The following KDM4C variants were observed in gnomAD, a reference collection of about 807,000 sequenced individuals.
KDM4C encodes lysine demethylase 4C.
In KDM4C, 81 loss-of-function variants were observed where a neutral mutation model predicts 129.3. The observed-to-expected ratio is 0.63, with a 90% confidence interval of 0.52 to 0.75. The LOEUF is 0.75. Among genes scored for constraint, KDM4C ranks in the 30% least tolerant of loss-of-function variants. The pLI, the probability that KDM4C is intolerant of heterozygous loss-of-function variation, is 0.00. For synonymous variants in KDM4C, 573 were observed against 456.1 expected (o/e 1.26, Z -3.26); for missense variants, 1,457 against 1,304.0 (o/e 1.12, Z -1.81).
intron 15 of KDM4C, among the ~76,000 whole-genome samples, chr9:7,042,013 C>A (rs1045952397): frequency 6.6e-6 from 1 of 152,008 alleles, no homozygotes; most frequent in African/African-American, 2.4e-5. Context: ...TTGTTTCCCG[C>A]TAAACAGCTA....
chr9:6,757,638 G>A (rs954501641), upstream of KDM4C: 1 of 985,366 alleles, frequency 1.0e-6, no homozygotes, highest in African/African-American at 1.7e-5. Context: ...CGCGTCGGAG[G>A]CCGCCATAGG....
intron 13 of KDM4C, among the ~76,000 whole-genome samples, chr9:7,012,694 A>G (rs1822929742): frequency 6.6e-6 from 1 of 152,176 alleles, no homozygotes; most frequent in Non-Finnish European, 1.5e-5. Flanking sequence ...ACCTCAGCTA[A>G]TGGAGGGTCA....
At chr9:6,920,197 T>G (rs1405483806) in intron 8 of KDM4C, among the ~76,000 whole-genome samples, 1 of 151,860 alleles carries the variant, frequency 6.6e-6, no homozygotes, top group Non-Finnish European at 1.5e-5. Context: ...ATCATAGGGG[T>G]GTGGAAAGCA....
intron 3 of KDM4C, among the ~76,000 whole-genome samples, chr9:6,810,932 T>TTATA (rs1831028721): frequency 1.3e-5 from 2 of 152,184 alleles, no homozygotes; most frequent in South Asian, 4.1e-4. Flanking sequence ...ACTAGTTTCA[T>TTATA]TATAATTGTT....
chr9:6,856,720 G>A (rs1308922139), intron 5 of KDM4C, among the ~76,000 whole-genome samples: 9 of 149,668 alleles, frequency 6.0e-5, no homozygotes, highest in Non-Finnish European at 1.3e-4. Flanking sequence ...CTACAGGTGT[G>A]TGCCACTATG....
intron 15 of KDM4C, among the ~76,000 whole-genome samples, chr9:7,046,012 C>A (rs1199367896): frequency 6.6e-6 from 1 of 152,034 alleles, no homozygotes; most frequent in Non-Finnish European, 1.5e-5. Context: ...CAAATAACTT[C>A]TACCAATTTA....
At chr9:7,127,707 T>A (rs539572963) in intron 18 of KDM4C, among the ~76,000 whole-genome samples, 13 of 152,296 alleles carry the variant, frequency 8.5e-5, no homozygotes, top group Admixed American at 7.8e-4. Flanking sequence ...AGATGGAGAT[T>A]AAAGTATCCT....
chr9:6,980,535 T>C (rs919180539), intron 8 of KDM4C, among the ~76,000 whole-genome samples: 10 of 152,236 alleles, frequency 6.6e-5, no homozygotes, highest in African/African-American at 2.4e-4. Flanking sequence ...CACACATTCA[T>C]TGGGTTATTT....
At chr9:6,721,221 A>G (rs1420405589) in intron 1 of KDM4C, 1 of 232,670 alleles carries the variant, frequency 4.3e-6, no homozygotes, top group East Asian at 7.3e-5. Flanking sequence ...TTACCAGTGC[A>G]TGCCACTATG....
In KDM4C at chr9:7,103,921, C is replaced by A. The variant is rs375894313; in HGVS notation, c.2610+51C>A. On this transcript the variant is annotated intron_variant, in intron 18 of 21. Transcript: ENST00000381309. ...TGCTAAGACCGTGTCTGGATTTTCTCCTGTTTTAGACTACCTCCCAGACAT... is the reference window on the plus strand; with the variant it reads ...TGCTAAGACCGTGTCTGGATTTTCTACTGTTTTAGACTACCTCCCAGACAT... 6 of 1,529,666 alleles carry A rather than the reference C, an allele frequency of 3.9e-6. No individual in the cohort carries two copies. The African/African-American group carries it at 4.1e-5, about 10-fold the overall frequency. The allele number at this position is 1,529,666 out of a possible 1,614,324, so 94.8% of individuals were successfully genotyped here.
chr9:7,069,543 T>C (rs541724745), intron 17 of KDM4C, among the ~76,000 whole-genome samples: 8 of 152,342 alleles, frequency 5.3e-5, no homozygotes, highest in African/African-American at 1.7e-4. Context: ...CAAAAAACTT[T>C]AAATTTTAAA....
intron 15 of KDM4C, among the ~76,000 whole-genome samples, chr9:7,018,076 A>G (rs1337739597): frequency 1.3e-5 from 2 of 152,194 alleles, no homozygotes; most frequent in Non-Finnish European, 2.9e-5. Flanking sequence ...AATGACAGGG[A>G]TACATTCTGA....
chr9:7,069,532 AC>A (rs1325317375), intron 17 of KDM4C, among the ~76,000 whole-genome samples: 3 of 152,192 alleles, frequency 2.0e-5, no homozygotes, highest in Non-Finnish European at 2.9e-5. Flanking sequence ...ACAAAACAAA[AC>A]AAAAAACTTT....
intron 19 of KDM4C, among the ~76,000 whole-genome samples, chr9:7,141,628 G>C (rs1201558450): frequency 6.6e-6 from 1 of 152,166 alleles, no homozygotes; most frequent in Non-Finnish European, 1.5e-5. Flanking sequence ...CATTGAGATA[G>C]GGAACTTCGG....
intron 6 of KDM4C, among the ~76,000 whole-genome samples, chr9:6,886,842 T>C (rs1845366159): frequency 6.6e-6 from 1 of 151,990 alleles, no homozygotes; most frequent in South Asian, 2.1e-4. Context: ...TGTCCCAAAC[T>C]CCTGGCCTCA....
In KDM4C at chr9:7,103,855, G is replaced by A. The variant is rs1433092022; in HGVS notation, c.2595G>A (p.Lys865=). 6.2e-7 allele frequency: 1 copy of A among 1,613,858 alleles called. No homozygotes were observed. Among genetic ancestry groups the A allele is most frequent in the South Asian group, 1.1e-5 (1 of 91,066 alleles). The change falls in exon 18 of 22, where the codon AAG becomes AAA. Residue 865 remains lysine, a synonymous_variant. Transcript: ENST00000381309. ...TGAACATTACATGCTTTCGACATAAGGTCAACCCCAACGTGGTAAGATGTG... is the reference window on the plus strand; with the variant it reads ...TGAACATTACATGCTTTCGACATAAAGTCAACCCCAACGTGGTAAGATGTG... ...YVVNITCFRH[K]VNPNVKSKAC...
upstream of KDM4C, chr9:6,757,923 A>G (rs1289493432): frequency 4.1e-5 from 40 of 985,366 alleles, no homozygotes; most frequent in Non-Finnish European, 4.7e-5. Flanking sequence ...GTGACTCACC[A>G]AGTGCGGGCC....
intron 5 of KDM4C, among the ~76,000 whole-genome samples, chr9:6,850,427 C>G (rs540021208): frequency 5.3e-5 from 8 of 151,986 alleles, no homozygotes; most frequent in Non-Finnish European, 1.2e-4. Context: ...CTGGTTCATC[C>G]TCCTCTAATT....
intron 12 of KDM4C, among the ~76,000 whole-genome samples, chr9:6,997,563 C>G (rs1819994816): frequency 6.6e-6 from 1 of 152,166 alleles, no homozygotes; most frequent in African/African-American, 2.4e-5. Context: ...CGATTCATGC[C>G]TCTGGGGCAT....
Sources: gnomAD v4.1 joint callset for allele counts (sites outside exome capture counted in the v4.1 genomes callset) on GRCh38, gnomAD v4.1.1 for gene constraint, MANE v1.5 for transcripts, NCBI Gene and HGNC (gene_info 2026-07-23, HGNC 2026-07-21) for gene names.